Variants in PLEKHM2 observed in about 807,000 individuals in gnomAD.
PLEKHM2 encodes pleckstrin homology and RUN domain containing M2.
In PLEKHM2, 77 loss-of-function variants were observed where a neutral mutation model predicts 116.3. The ratio of observed to expected loss-of-function variants is 0.66; its 90% CI spans 0.55 to 0.80. The LOEUF (loss-of-function observed/expected upper bound fraction) is 0.80. PLEKHM2 is among the 30% of genes least tolerant of loss of function. PLEKHM2 has a pLI of 0.00. For synonymous variants in PLEKHM2, 562 were observed against 571.0 expected (o/e 0.98, Z 0.22); for missense variants, 1,183 against 1,354.9 (o/e 0.87, Z 1.99).
Position 15,727,597 on chromosome 1 carries a change from G to C in PLEKHM2, c.1525G>C (p.Gly509Arg). The C allele has an allele frequency of 6.3e-7, 1 of 1,582,610 alleles. No individual in the cohort carries two copies. The highest frequency in any genetic ancestry group is 8.6e-7 in the Non-Finnish European group (1 of 1,165,042). ...AAGQEEEGGG[G>R]EGQTPRPLED... The stretch of plus-strand genomic sequence containing the variant: ...TGGCCAAGAAGAAGAGGGAGGAGGA[G>C]GAGAGGGACAGACGCCTCGGCCCCT... The change falls in exon 9 of 20, where the codon GGA (glycine) becomes CGA (arginine). Residue 509 changes from glycine (G) to arginine (R), a missense_variant. By Grantham distance (125) the Gly-to-Arg change is moderately radical. Transcript: ENST00000375799. The surrounding 1 kb of genome is among the most constrained non-coding windows in gnomAD (Gnocchi z 7.5).
At chr1:15,703,035 GT>G (rs1431757872) in intron 1 of PLEKHM2, among the ~76,000 whole-genome samples, 6 of 152,300 alleles carry the variant, frequency 3.9e-5, no homozygotes, top group Non-Finnish European at 5.9e-5. Flanking sequence ...CAGCCCTCAG[GT>G]GGGGTCTATT....
Position 15,727,782 on chromosome 1 carries a change from G to A in PLEKHM2, c.1710G>A (p.Val570=), listed in dbSNP as rs373171081. ...TGAGTAGCGCTGAGGATTCTGGGGT[G>A]GATGAGGGACAGGGGAGCCCTTCGG... is the stretch of plus-strand genomic sequence containing the variant. ...PCLSSAEDSG[V]DEGQGSPSEM... is the part of the protein sequence containing the mutation. The change falls in exon 9 of 20, where the codon GTG becomes GTA. Residue 570 remains valine (V), a synonymous_variant. Coordinates refer to ENST00000375799, the MANE Select transcript of PLEKHM2 (RefSeq NM_015164.4). This position sits in a 1 kb window ranked among gnomAD's most constrained non-coding sequence, Gnocchi z 7.5. 13 of 1,604,218 alleles carry A rather than the reference G, an allele frequency of 8.1e-6. No individual in the cohort carries two copies. Among genetic ancestry groups the A allele is most frequent in the Non-Finnish European group, 1.0e-5 (12 of 1,176,240 alleles).
chr1:15,702,746 G>A (rs1476758843), intron 1 of PLEKHM2, among the ~76,000 whole-genome samples: 1 of 137,824 alleles, frequency 7.3e-6, no homozygotes, highest in Non-Finnish European at 1.6e-5. Context: ...TTCGAGGCAG[G>A]GTCTCACTCT....
At position 15,717,926 on chromosome 1, in the gene PLEKHM2, A is replaced by T; in HGVS notation, c.311A>T (p.Asn104Ile). 1 of 1,600,150 alleles carries T rather than the reference A, an allele frequency of 6.2e-7. No homozygotes were observed. Among genetic ancestry groups the T allele is most frequent in the Non-Finnish European group, 8.5e-7 (1 of 1,173,200 alleles). ...TGGCTGTACCTGGCCCTCAACGAGA[A>T]CTCCTTGGAGAGCTACCTGCGGTTG... ...RAWLYLALNENSLESYLRLFQ... is the reference protein window; with the variant it reads ...RAWLYLALNEISLESYLRLFQ... Residue 104 changes from asparagine to isoleucine, a missense_variant, in exon 4 of 20, where the codon AAC becomes ATC. Asn to Ile is a moderately radical substitution (Grantham distance 149, BLOSUM62 -3). Coordinates refer to ENST00000375799, the MANE Select transcript of PLEKHM2 (RefSeq NM_015164.4).
At chr1:15,684,205 G>T (rs1640706309), upstream of PLEKHM2, 2 of 152,116 alleles carry the variant, frequency 1.3e-5, no homozygotes, top group Admixed American at 1.3e-4. Flanking sequence ...GGTCTCTGGG[G>T]AGGGCCGCGG....
Position 15,729,133 on chromosome 1 carries a change from T to C in PLEKHM2, c.2018T>C (p.Val673Ala). 1 of 1,611,828 alleles carries C rather than the reference T, an allele frequency of 6.2e-7. No individual in the cohort carries two copies. The highest frequency in any genetic ancestry group is 8.5e-7 in the Non-Finnish European group (1 of 1,179,130). The change falls in exon 13 of 20, where the codon GTG becomes GCG. Residue 673 changes from valine (V) to alanine (A), a missense_variant. Physicochemically the swap from Val to Ala is moderately conservative, Grantham distance 64. This residue lies in a region of PLEKHM2 where 594 missense variants were observed against 720.1 expected (regional missense o/e 0.82). Transcript: ENST00000375799. The surrounding 1 kb of genome is among the most constrained non-coding windows in gnomAD (Gnocchi z 4.7). Reference sequence around the variant, plus strand: ...CTTGACCAGCAGACGGTGAAGCTGGTGTGCACCAACCGCAGGAAGCAGTTT... The same window carrying C: ...CTTGACCAGCAGACGGTGAAGCTGGCGTGCACCAACCGCAGGAAGCAGTTT... ...VGLDQQTVKLVCTNRRKQFLL... is the reference protein window; with the variant it reads ...VGLDQQTVKLACTNRRKQFLL...
In PLEKHM2 at chr1:15,728,899, C is replaced by T. The variant is rs1234596989; in HGVS notation, c.1986+166C>T. ...TGTACACGATGCTGGGGGTAAGAAC[C>T]AAGCTTGAGGTTGCCTCTTCCCGTG... is the stretch of plus-strand genomic sequence containing the variant. On this transcript the variant is annotated intron_variant, in intron 12 of 19. Transcript: ENST00000375799. This position sits in a 1 kb window ranked among gnomAD's most constrained non-coding sequence, Gnocchi z 5.9. 3.3e-5 allele frequency among the ~76,000 whole-genome samples: 5 copies of T among 152,196 alleles called. No individual in the cohort carries two copies. The highest frequency in any genetic ancestry group is 9.6e-5 in the African/African-American group (4 of 41,456).
At chr1:15,687,948 A>T (rs1214990345) in intron 1 of PLEKHM2, among the ~76,000 whole-genome samples, 1 of 152,216 alleles carries the variant, frequency 6.6e-6, no homozygotes, top group Admixed American at 6.5e-5. Flanking sequence ...TCCATTGTGT[A>T]TTTCTATATT....
At chr1:15,703,334 T>C (rs1248107194) in intron 1 of PLEKHM2, among the ~76,000 whole-genome samples, 3 of 141,854 alleles carry the variant, frequency 2.1e-5, no homozygotes, top group African/African-American at 3.0e-5. Context: ...TACAGCCATC[T>C]GTCCAGCCTC....
In PLEKHM2 at chr1:15,728,196, CG is replaced by C; in HGVS notation, c.1830+51del. The C allele has an allele frequency of 6.2e-7, 1 of 1,601,314 alleles. No homozygotes were observed. The highest frequency in any genetic ancestry group is 2.2e-5 in the East Asian group (1 of 44,718). On this transcript the variant is annotated intron_variant, in intron 10 of 19. Coordinates refer to ENST00000375799, the MANE Select transcript of PLEKHM2 (RefSeq NM_015164.4). The surrounding 1 kb of genome is among the most constrained non-coding windows in gnomAD (Gnocchi z 5.9). Reference sequence around the variant, plus strand: ...TGAGCAAGAGACGGCAAGGGCAAGGCGGGATGGGCCACCGCCCCCGCTGGAG... The same window carrying C: ...TGAGCAAGAGACGGCAAGGGCAAGGCGGATGGGCCACCGCCCCCGCTGGAG...
Position 15,727,695 on chromosome 1 carries a change from G to T in PLEKHM2, c.1623G>T (p.Glu541Asp), listed in dbSNP as rs938591915. The T allele has an allele frequency of 1.9e-6, 3 of 1,594,290 alleles. No homozygotes were observed. Among genetic ancestry groups the T allele is most frequent in the African/African-American group, 1.3e-5 (1 of 74,526 alleles). ...LSLVREGPVS[E>D]PEPGTQEVLC... ...TGGTCAGGGAGGGGCCTGTGTCTGAGCCAGAGCCTGGGACCCAGGAGGTTC... is the reference window on the plus strand; with the variant it reads ...TGGTCAGGGAGGGGCCTGTGTCTGATCCAGAGCCTGGGACCCAGGAGGTTC... The change falls in exon 9 of 20, where the codon GAG becomes GAT. Residue 541 changes from glutamate (E) to aspartate (D), a missense_variant. Physicochemically the swap from Glu to Asp is conservative, Grantham distance 45 (BLOSUM62 2). Coordinates refer to ENST00000375799, the MANE Select transcript of PLEKHM2 (RefSeq NM_015164.4). The surrounding 1 kb of genome is among the most constrained non-coding windows in gnomAD (Gnocchi z 7.5).
chr1:15,681,639 G>A, upstream of PLEKHM2: 2 of 459,840 alleles, frequency 4.3e-6, 1 homozygote, highest in South Asian at 3.1e-5. Flanking sequence ...GGGCCTGTAT[G>A]CACCCTAGCC....
chr1:15,684,698 G>GC (rs199657435), intron 1 of PLEKHM2, 80 bp downstream of exon 1: 1 of 682,302 alleles, frequency 1.5e-6, no homozygotes, highest in Non-Finnish European at 1.8e-6. Context: ...TCCCGGGCCG[G>GC]GGCCCCCCGC....
At chr1:15,681,723 C>T (rs1640648190), upstream of PLEKHM2, 2 of 398,470 alleles carry the variant, frequency 5.0e-6, no homozygotes, top group African/African-American at 2.1e-5. Context: ...TATTTCTACT[C>T]ATAGATACCT....
At chr1:15,708,469 C>T (rs1193319721) in intron 1 of PLEKHM2, among the ~76,000 whole-genome samples, 1 of 152,218 alleles carries the variant, frequency 6.6e-6, no homozygotes, top group Non-Finnish European at 1.5e-5. Context: ...CCTGCCTCGG[C>T]CTCCCAAAGT....
intron 1 of PLEKHM2, among the ~76,000 whole-genome samples, chr1:15,697,974 G>C (rs1317310808): frequency 6.6e-6 from 1 of 152,178 alleles, no homozygotes; most frequent in Non-Finnish European, 1.5e-5. Flanking sequence ...GCAATTAGCT[G>C]CTGTATTTAG....
Position 15,685,392 on chromosome 1 carries a change from T to A in PLEKHM2, c.60+774T>A, listed in dbSNP as rs1571011668. On this transcript the variant is annotated intron_variant, in intron 1 of 19. Coordinates refer to ENST00000375799, the MANE Select transcript of PLEKHM2 (RefSeq NM_015164.4). Reference sequence around the variant, plus strand: ...CATATTCTGACGTTTTTGGGCTGGATATAAAAATAATAATAATAAATTTAA... The same window carrying A: ...CATATTCTGACGTTTTTGGGCTGGAAATAAAAATAATAATAATAAATTTAA... 1.3e-5 allele frequency among the ~76,000 whole-genome samples: 2 copies of A among 151,260 alleles called. 1 individual carries two copies. The highest frequency in any genetic ancestry group is 2.9e-5 in the Non-Finnish European group (2 of 67,988).
rs549792494 is a variant in PLEKHM2, at chr1:15,729,367, T to C, written c.2075+177T>C. 8.6e-5 allele frequency among the ~76,000 whole-genome samples: 13 copies of C among 152,026 alleles called. No homozygotes were observed. Among genetic ancestry groups the C allele is most frequent in the Non-Finnish European group, 1.5e-4 (10 of 67,968 alleles). On this transcript the variant is annotated intron_variant, in intron 13 of 19. Transcript: ENST00000375799. The surrounding 1 kb of genome is among the most constrained non-coding windows in gnomAD (Gnocchi z 4.7). ...GAGGCAGGCAAGTAGACGACAATCATAGGACTCATGTGGTCAGCCCAGGTG... is the reference window on the plus strand; with the variant it reads ...GAGGCAGGCAAGTAGACGACAATCACAGGACTCATGTGGTCAGCCCAGGTG...
At position 15,727,413 on chromosome 1, in the gene PLEKHM2, G is replaced by C. The variant is rs368687150; in HGVS notation, c.1341G>C (p.Glu447Asp). 7 of 1,605,466 alleles carry C rather than the reference G, an allele frequency of 4.4e-6. No homozygotes were observed. Among genetic ancestry groups the C allele is most frequent in the African/African-American group, 2.7e-5 (2 of 74,790 alleles). Reference protein sequence around the residue: ...FRTGSPGDAPERPPLCDFSEG... With the variant: ...FRTGSPGDAPDRPPLCDFSEG... ...CCGGCTCTCCCGGGGATGCCCCGGA[G>C]AGGCCGCCGCTTTGCGACTTTAGTG... Residue 447 changes from glutamate to aspartate, a missense_variant, in exon 9 of 20, where the codon GAG (glutamate) becomes GAC (aspartate). By Grantham distance (45) the Glu-to-Asp change is conservative. This residue lies in a region of PLEKHM2 where 372 missense variants were observed against 357.2 expected (regional missense o/e 1.04). Transcript: ENST00000375799. The surrounding 1 kb of genome is among the most constrained non-coding windows in gnomAD (Gnocchi z 7.5).
Sources: allele counts gnomAD v4.1 joint callset (sites outside exome capture counted in the v4.1 genomes callset), GRCh38; gene constraint gnomAD v4.1.1; regional missense constraint gnomAD v4.1.1; non-coding constraint Gnocchi (gnomAD v3.1); transcripts MANE v1.5; gene names NCBI Gene and HGNC (gene_info 2026-07-23, HGNC 2026-07-21).